The following RBFOX3 variants were observed in gnomAD, a reference collection of about 807,000 sequenced individuals.
RBFOX3 encodes the protein RNA binding fox-1 homolog 3.
Under a neutral mutation model 48.7 loss-of-function variants are expected in RBFOX3, and 17 were observed. That is an observed-to-expected ratio of 0.35 (90% CI 0.24 to 0.52). The LOEUF (loss-of-function observed/expected upper bound fraction) is 0.52, where lower values mean the gene tolerates loss of function less well. Among genes scored for constraint, RBFOX3 ranks in the 20% least tolerant of loss-of-function variants. The pLI, the probability that RBFOX3 is intolerant of heterozygous loss-of-function variation, is 0.94. For missense variants in RBFOX3, 382 were observed against 497.5 expected (o/e 0.77, Z 2.21); for synonymous variants, 212 against 209.5 (o/e 1.01, Z -0.10).
In RBFOX3 at chr17:79,451,777, G is replaced by A. The variant is rs111444464; in HGVS notation, c.-175+30677C>T. On this transcript the variant is annotated intron_variant, in intron 2 of 14. Transcript: ENST00000693108. ...CCTCTGAAAAACGGTGACAATAAGC[G>A]TACCAACATCATCAGATCATCATGA... Among the ~76,000 whole-genome samples the A allele has an allele frequency of 8.2e-3, 1,251 of 152,352 alleles. 26 individuals are homozygous for A. Among genetic ancestry groups the A allele is most frequent in the African/African-American group, 0.028 (1,159 of 41,572 alleles).
In RBFOX3 at chr17:79,097,313, G is replaced by T; in HGVS notation, c.734C>A (p.Pro245His). ...YNTFRAAPPP[P>H]PIPTYGAALE... ...TCACGCTCCGTAAGTCGGGATGGGG[G>T]GTGGGGGTGGCGCAGCCCGAAATGT... The change falls in exon 11 of 15, where the codon CCC becomes CAC. Residue 245 changes from proline (P) to histidine (H), a missense_variant. Pro to His is a moderately conservative substitution (Grantham distance 77, BLOSUM62 -2). Coordinates refer to ENST00000693108, the MANE Select transcript of RBFOX3 (RefSeq NM_001350451.2). The T allele has an allele frequency of 6.5e-7, 1 of 1,545,170 alleles. No homozygotes were observed. The highest frequency in any genetic ancestry group is 1.2e-5 in the South Asian group (1 of 83,700).
At chr17:79,097,856 G>A (rs1243643720) in intron 9 of RBFOX3, 111 bp from the exon 10 acceptor site, 1 of 1,195,820 alleles carries the variant, frequency 8.4e-7, no homozygotes, top group African/African-American at 1.5e-5. Flanking sequence ...AACATTCCCA[G>A]GGCGCCTCCC....
chr17:79,201,911 C>T (rs997902605), intron 4 of RBFOX3, among the ~76,000 whole-genome samples: 1 of 152,226 alleles, frequency 6.6e-6, no homozygotes, highest in African/African-American at 2.4e-5. Context: ...CCTCTCTCTG[C>T]GTCTCCGCCC....
chr17:79,557,312 A>T (rs2091850513), intron 1 of RBFOX3, among the ~76,000 whole-genome samples: 1 of 151,520 alleles, frequency 6.6e-6, no homozygotes, highest in East Asian at 1.9e-4. Context: ...CAATCCAGGC[A>T]GTGTGGCCCC....
chr17:79,659,760 A>G, the RBFOX3 span, among the ~76,000 whole-genome samples: 5 of 152,200 alleles, frequency 3.3e-5, no homozygotes, highest in Admixed American at 6.5e-5. Flanking sequence ...GAATAGTCAG[A>G]GTGGACAATC....
chr17:79,376,436 T>TG (rs950136520), intron 2 of RBFOX3, among the ~76,000 whole-genome samples: 5 of 152,142 alleles, frequency 3.3e-5, no homozygotes, highest in African/African-American at 9.7e-5. Context: ...CTGCAGATAC[T>TG]GGGGAGACTG....
rs1387989285 is a variant in RBFOX3 at position 79,513,488 on chromosome 17, A to T, written c.-319-30890T>A. On this transcript the variant is annotated intron_variant, in intron 1 of 14. Coordinates refer to ENST00000693108, the MANE Select transcript of RBFOX3 (RefSeq NM_001350451.2). ...TGGCACATACCTGGAAGCATTCACC[A>T]TCAGGCACAGCTGCCCTGACCATAC... 3.3e-5 allele frequency among the ~76,000 whole-genome samples: 5 copies of T among 152,328 alleles called. No homozygotes were observed. The South Asian group carries it at 6.2e-4, about 19-fold the overall frequency.
At chr17:79,510,460 G>A (rs1326095548) in intron 1 of RBFOX3, among the ~76,000 whole-genome samples, 3 of 152,184 alleles carry the variant, frequency 2.0e-5, no homozygotes, top group Admixed American at 6.5e-5. Context: ...ACCCTCAGCC[G>A]CACCAAATCC....
intron 4 of RBFOX3, among the ~76,000 whole-genome samples, chr17:79,228,993 C>T (rs954299122): frequency 1.3e-4 from 20 of 150,810 alleles, no homozygotes; most frequent in Non-Finnish European, 1.9e-4. Flanking sequence ...TTTGGGAGGC[C>T]GAGATGGGCG....
chr17:79,548,040 C>T (rs1308826162), intron 1 of RBFOX3, among the ~76,000 whole-genome samples: 1 of 152,230 alleles, frequency 6.6e-6, no homozygotes, highest in Non-Finnish European at 1.5e-5. Context: ...TTTCCTGTCT[C>T]CACCCATTTC....
intron 1 of RBFOX3, among the ~76,000 whole-genome samples, chr17:79,573,299 C>A (rs1247453305): frequency 6.6e-6 from 1 of 152,224 alleles, no homozygotes; most frequent in Non-Finnish European, 1.5e-5. Flanking sequence ...GCAGAGGGAG[C>A]TGGGCATCGA....
At chr17:79,332,760 G>A (rs1242917752) in intron 2 of RBFOX3, among the ~76,000 whole-genome samples, 1 of 151,440 alleles carries the variant, frequency 6.6e-6, no homozygotes, top group African/African-American at 2.4e-5. Flanking sequence ...GAGAGAGACA[G>A]AGAGATAAAG....
At chr17:79,611,109 T>C (rs1422456948), upstream of RBFOX3, among the ~76,000 whole-genome samples, 3 of 62,760 alleles carry the variant, frequency 4.8e-5, no homozygotes, top group Admixed American at 1.8e-4. Flanking sequence ...CTCTCTCTCC[T>C]CCCTCCTCTC....
At chr17:79,106,860 C>A (rs1263044626) in intron 5 of RBFOX3, 72 bp from the exon 6 acceptor site, 1 of 1,443,150 alleles carries the variant, frequency 6.9e-7, no homozygotes, top group South Asian at 1.4e-5. Context: ...GCTAAAGGGT[C>A]GGCAGAGTCT....
intron 4 of RBFOX3, among the ~76,000 whole-genome samples, chr17:79,227,228 G>A (rs2060411907): frequency 6.6e-6 from 1 of 152,234 alleles, no homozygotes; most frequent in Non-Finnish European, 1.5e-5. Context: ...TTCCAGCAGA[G>A]GAGGGACAAA....
chr17:79,630,698 C>T, the RBFOX3 span, among the ~76,000 whole-genome samples: 24 of 152,082 alleles, frequency 1.6e-4, no homozygotes, highest in Non-Finnish European at 2.8e-4. Flanking sequence ...TTTTAACGCT[C>T]GTGGTTCAGG....
intron 1 of RBFOX3, among the ~76,000 whole-genome samples, chr17:79,492,922 C>T (rs2080905205): frequency 6.6e-6 from 1 of 152,150 alleles, no homozygotes; most frequent in Non-Finnish European, 1.5e-5. Flanking sequence ...AGGAGGAAGA[C>T]AAGGCTGAGA....
At position 79,307,704 on chromosome 17, in the gene RBFOX3, G is replaced by A. The variant is rs929540971; in HGVS notation, c.-74+20C>T. Reference sequence around the variant, plus strand: ...GCTCGGGGGGAGCAGAAAGCATTGCGTAGAGAGGTTGGTTCTTACCTGTTT... The same window carrying A: ...GCTCGGGGGGAGCAGAAAGCATTGCATAGAGAGGTTGGTTCTTACCTGTTT... On this transcript the variant is annotated intron_variant, in intron 3 of 14. Coordinates refer to ENST00000693108, the MANE Select transcript of RBFOX3 (RefSeq NM_001350451.2). 76 of 153,890 alleles carry A rather than the reference G, an allele frequency of 4.9e-4. No individual in the cohort carries two copies. Among genetic ancestry groups the A allele is most frequent in the Non-Finnish European group, 4.8e-4 (33 of 68,066 alleles). 9.5% of individuals were successfully genotyped at this position (153,890 alleles called of 1,614,324 possible).
chr17:79,278,709 C>T (rs1451271779), intron 3 of RBFOX3, among the ~76,000 whole-genome samples: 1 of 152,268 alleles, frequency 6.6e-6, no homozygotes, highest in Non-Finnish European at 1.5e-5. Flanking sequence ...GCACCCCTGA[C>T]TTAAGCCTCT....
Sources: allele counts gnomAD v4.1 joint callset (sites outside exome capture counted in the v4.1 genomes callset), GRCh38; gene constraint gnomAD v4.1.1; transcripts MANE v1.5; gene names NCBI Gene and HGNC (gene_info 2026-07-23, HGNC 2026-07-21).